Variants in RIPOR2 observed in about 807,000 individuals in gnomAD.
The protein encoded by RIPOR2 is rho family-interacting cell polarization regulator 2.
RIPOR2 carries 39 observed loss-of-function variants against 114.5 expected under a neutral mutation model. The ratio of observed to expected loss-of-function variants is 0.34; its 90% CI spans 0.26 to 0.44. RIPOR2 has a LOEUF of 0.44. Ranked by LOEUF, RIPOR2 falls within the 20% of genes least tolerant of loss-of-function variation. RIPOR2 has a pLI of 1.00. For synonymous variants in RIPOR2, 445 were observed against 484.4 expected, an observed-to-expected ratio of 0.92 and a Z score of 1.07; for missense variants, 1,007 against 1,255.1, an observed-to-expected ratio of 0.80 and a Z score of 2.99.
At chr6:24,899,707 G>A (rs527559421) in intron 1 of RIPOR2, among the ~76,000 whole-genome samples, 5 of 152,266 alleles carry the variant, frequency 3.3e-5, no homozygotes, top group East Asian at 1.9e-4. Context: ...ATGTGGGCAC[G>A]GATCAGACAA....
intron 1 of RIPOR2, among the ~76,000 whole-genome samples, chr6:24,914,074 C>A (rs920693198): frequency 3.3e-5 from 5 of 152,190 alleles, no homozygotes; most frequent in Non-Finnish European, 7.3e-5. Context: ...GTGGCTCATG[C>A]CTATAATCCC....
chr6:24,969,732 G>T (rs959533347), intron 1 of RIPOR2, among the ~76,000 whole-genome samples: 2 of 152,026 alleles, frequency 1.3e-5, no homozygotes, highest in Non-Finnish European at 2.9e-5. Context: ...CACTTGTGGG[G>T]CCAGCCATAC....
At chr6:24,818,722 T>A in intron 19 of RIPOR2, 97 bp from the exon 20 acceptor site, 1 of 598,614 alleles carries the variant, frequency 1.7e-6, no homozygotes, top group Admixed American at 3.4e-5. Context: ...CTATAGCATA[T>A]AACCTACACA....
chr6:24,861,302 A>G (rs1033002113), intron 7 of RIPOR2, among the ~76,000 whole-genome samples: 4 of 152,232 alleles, frequency 2.6e-5, no homozygotes, highest in Non-Finnish European at 5.9e-5. Flanking sequence ...GGGGTAGTCT[A>G]TAGGAATTAG....
At chr6:24,906,511 A>G (rs184565480) in intron 1 of RIPOR2, among the ~76,000 whole-genome samples, 5 of 152,304 alleles carry the variant, frequency 3.3e-5, no homozygotes, top group East Asian at 3.9e-4. Flanking sequence ...AGGTGGTGCT[A>G]TTAATAATTA....
intron 1 of RIPOR2, among the ~76,000 whole-genome samples, chr6:24,993,543 A>C (rs977977176): frequency 6.6e-6 from 1 of 152,136 alleles, no homozygotes; most frequent in African/African-American, 2.4e-5. Context: ...CCAGCTTGCC[A>C]CTCTGTGCCT....
intron 7 of RIPOR2, among the ~76,000 whole-genome samples, chr6:24,863,114 G>C (rs963375722): frequency 6.6e-6 from 1 of 151,874 alleles, no homozygotes; most frequent in Non-Finnish European, 1.5e-5. Flanking sequence ...CACCACGCCC[G>C]GCTAATTTTT....
rs567023130 is a variant in RIPOR2 at position 25,023,658 on chromosome 6, G to A, written c.76+18193C>T. On this transcript the variant is annotated intron_variant, in intron 1 of 13. Transcript: ENST00000510784. ...CCTGCTGGGGTCTCATAGATACCTCGGGACTTCATTCCAGTGAAGCGGTTC... is the reference window on the plus strand; with the variant it reads ...CCTGCTGGGGTCTCATAGATACCTCAGGACTTCATTCCAGTGAAGCGGTTC... 7.7e-5 allele frequency: 59 copies of A among 762,546 alleles called. No homozygotes were observed. In the African/African-American group the frequency reaches 9.3e-4, roughly 12 times the overall value. 47.2% of individuals were successfully genotyped at this position (762,546 alleles called of 1,614,324 possible).
intron 1 of RIPOR2, among the ~76,000 whole-genome samples, chr6:24,887,250 C>T (rs77868117): frequency 1.3e-5 from 2 of 152,182 alleles, no homozygotes; most frequent in South Asian, 2.1e-4. Context: ...CTACACCCAC[C>T]GTGAGAGGGG....
intron 19 of RIPOR2, among the ~76,000 whole-genome samples, chr6:24,823,788 C>T (rs550259178): frequency 2.6e-5 from 4 of 152,230 alleles, no homozygotes; most frequent in East Asian, 3.9e-4. Flanking sequence ...GATGGAGTCT[C>T]GCTCTGTCAC....
At chr6:24,811,480 G>A (rs897481388) in intron 20 of RIPOR2, among the ~76,000 whole-genome samples, 18 of 148,928 alleles carry the variant, frequency 1.2e-4, no homozygotes, top group Middle Eastern at 7.3e-3. Context: ...CAAGTGATAC[G>A]CCTGCCTCAG....
Position 24,862,811 on chromosome 6 carries a change from C to A in RIPOR2, c.652-1775G>T, listed in dbSNP as rs370595660. ...CCTCCCCCGACCACTGGCACCCCCC[C>A]ACCACCCACAGCCACTGATGAACAT... On this transcript the variant is annotated intron_variant, in intron 7 of 21. Coordinates refer to ENST00000643898, the MANE Select transcript of RIPOR2 (RefSeq NM_001286445.3). Among the ~76,000 whole-genome samples the A allele has an allele frequency of 2.0e-3, 300 of 151,420 alleles. No homozygotes were observed. In the East Asian group the frequency reaches 0.023, roughly 12 times the overall value.
chr6:24,840,354 C>T, intron 13 of RIPOR2: 1 of 1,114,360 alleles, frequency 9.0e-7, no homozygotes, highest in Non-Finnish European at 1.1e-6. Flanking sequence ...CAAGTCCCAC[C>T]ACTTCCCTGA....
intron 14 of RIPOR2, 85 bp from the exon 15 acceptor site, chr6:24,835,956 A>G: frequency 8.0e-7 from 1 of 1,251,282 alleles, no homozygotes; most frequent in Non-Finnish European, 1.1e-6. Context: ...TCGGGCCCCA[A>G]CAGCACCCAC....
chr6:24,863,905 T>G (rs1764330342), intron 7 of RIPOR2, among the ~76,000 whole-genome samples: 1 of 152,242 alleles, frequency 6.6e-6, no homozygotes, highest in Admixed American at 6.5e-5. Flanking sequence ...CATATTTGAC[T>G]TTTGAAATAT....
intron 1 of RIPOR2, chr6:25,024,548 C>A: frequency 1.7e-6 from 1 of 585,524 alleles, no homozygotes; most frequent in South Asian, 1.7e-5. Flanking sequence ...TGCAGTGAAC[C>A]ACTCGGGCTC....
rs759790110 is a variant in RIPOR2, at chr6:24,843,513, G to A, written c.1206C>T (p.Ala402=). 5.2e-5 allele frequency: 80 copies of A among 1,536,998 alleles called. No homozygotes were observed. The highest frequency in any genetic ancestry group is 1.4e-4 in the African/African-American group (10 of 72,278). ...PDDIFENGKA[A]EEKMPLSLSF... ...TGAGCGACAGTGGCATTTTCTCCTC[G>A]GCTGCCTTTCCATTTTCAAAGATGT... is the stretch of plus-strand genomic sequence containing the variant. Residue 402 remains alanine (A), a synonymous_variant, in exon 13 of 22, where the codon GCC becomes GCT. Coordinates refer to ENST00000643898, the MANE Select transcript of RIPOR2 (RefSeq NM_001286445.3).
At chr6:24,871,978 T>C (rs1433151237) in intron 4 of RIPOR2, among the ~76,000 whole-genome samples, 1 of 152,204 alleles carries the variant, frequency 6.6e-6, no homozygotes, top group Non-Finnish European at 1.5e-5. Flanking sequence ...TGATAAAGCC[T>C]TGAATCTCTA....
At chr6:24,994,806 C>A (rs998207291) in intron 1 of RIPOR2, among the ~76,000 whole-genome samples, 1 of 152,180 alleles carries the variant, frequency 6.6e-6, no homozygotes, top group Non-Finnish European at 1.5e-5. Context: ...TTGGTCTACA[C>A]TTGCCCCATC....
Sources: gnomAD v4.1 joint callset for allele counts (sites outside exome capture counted in the v4.1 genomes callset) on GRCh38, gnomAD v4.1.1 for gene constraint, MANE v1.5 for transcripts, NCBI Gene and HGNC (gene_info 2026-07-23, HGNC 2026-07-21) for gene names.